The following CEMIP2 variants were observed in gnomAD, a reference collection of about 807,000 sequenced individuals.
CEMIP2 encodes cell surface hyaluronidase CEMIP2.
In CEMIP2, 79 loss-of-function variants were observed where a neutral mutation model predicts 146.9. That is an observed-to-expected ratio of 0.54 (90% CI 0.45 to 0.65). CEMIP2 has a LOEUF of 0.65. Among genes scored for constraint, CEMIP2 ranks in the 30% least tolerant of loss-of-function variants. The pLI is 0.00. For missense variants in CEMIP2, 1,596 were observed against 1,696.2 expected (o/e 0.94, Z 1.04); for synonymous variants, 601 against 606.3 (o/e 0.99, Z 0.13).
At chr9:71,685,463 TAGG>T in intron 23 of CEMIP2, 70 bp from the exon 24 acceptor site, 2 of 1,391,344 alleles carry the variant, frequency 1.4e-6, no homozygotes, top group Non-Finnish European at 1.9e-6. Context: ...CAAGAGAATA[TAGG>T]AGGTGAGTCG....
In CEMIP2 at chr9:71,683,804, A is replaced by G. The variant is rs6560226; in HGVS notation, c.*1393T>C. The stretch of plus-strand genomic sequence containing the variant: ...GTAGAGGCCATCAGCCTTTGCCCCT[A>G]GAAGAGGAAAGTGAAATTATCTGTA... On this transcript the variant is annotated 3_prime_UTR_variant, in exon 24 of 24. Coordinates refer to ENST00000377044, the MANE Select transcript of CEMIP2 (RefSeq NM_013390.3). 0.85 allele frequency: 128,941 copies of G among 152,590 alleles called. 54,872 individuals carry two copies. The highest frequency in any genetic ancestry group is 0.99 in the East Asian group (5,159 of 5,188). The allele number at this position is 152,590 out of a possible 1,614,324, so 9.5% of individuals were successfully genotyped here.
intron 14 of CEMIP2, among the ~76,000 whole-genome samples, chr9:71,715,980 G>A (rs958915955): frequency 1.3e-5 from 2 of 151,910 alleles, no homozygotes; most frequent in African/African-American, 4.8e-5. Flanking sequence ...CTTTAATTTA[G>A]CAGCAATAAT....
In CEMIP2 at chr9:71,766,261, T is replaced by G. The variant is rs767256683; in HGVS notation, c.-13+2096A>C. 2.0e-5 allele frequency among the ~76,000 whole-genome samples: 3 copies of G among 151,796 alleles called. No homozygotes were observed. The South Asian group carries it at 6.2e-4, about 32-fold the overall frequency. On this transcript the variant is annotated intron_variant, in intron 1 of 23. Transcript: ENST00000377044. ...TTTTTTTTTGTATTTTTAGTAGAGA[T>G]AGGGTTTTACCATGTTGGCCAGGCT...
intron 14 of CEMIP2, 109 bp from the exon 15 acceptor site, chr9:71,715,198 T>C (rs1247589880): frequency 4.5e-6 from 5 of 1,122,108 alleles, no homozygotes; most frequent in Non-Finnish European, 6.1e-6. Context: ...AAGAAGTCAA[T>C]AGCTTTTCTA....
At chr9:71,728,085 C>G in intron 10 of CEMIP2, among the ~76,000 whole-genome samples, 1 of 148,728 alleles carries the variant, frequency 6.7e-6, no homozygotes, top group East Asian at 2.0e-4. Context: ...ATTCATTTAG[C>G]CTGAGTATGG....
chr9:71,750,874 G>A (rs1245684110), intron 1 of CEMIP2, among the ~76,000 whole-genome samples: 2 of 152,040 alleles, frequency 1.3e-5, no homozygotes, highest in African/African-American at 4.8e-5. Flanking sequence ...AGCCTCCCGG[G>A]TAGCCAGGAC....
At chr9:71,753,011 A>G (rs1824308360) in intron 1 of CEMIP2, among the ~76,000 whole-genome samples, 1 of 141,588 alleles carries the variant, frequency 7.1e-6, no homozygotes, top group Non-Finnish European at 1.5e-5. Context: ...GTGCTATTGA[A>G]GAACTGCTGC....
At chr9:71,766,171 C>T (rs1056214072) in intron 1 of CEMIP2, among the ~76,000 whole-genome samples, 8 of 151,348 alleles carry the variant, frequency 5.3e-5, no homozygotes, top group East Asian at 1.9e-4. Context: ...CAGGTGCAAG[C>T]GATTCTCCTT....
At chr9:71,722,541 A>C (rs566491873) in intron 11 of CEMIP2, 26 bp from the exon 12 acceptor site, 12 of 1,515,030 alleles carry the variant, frequency 7.9e-6, no homozygotes, top group Non-Finnish European at 1.1e-5. Flanking sequence ...AATGGACTGG[A>C]ATGAATATGA....
rs764831667 is a variant in CEMIP2, at chr9:71,750,340, C to A, written c.34G>T (p.Ala12Ser). ...TTTCCATTCTGAGGTTGGAGGAAAGCAGGGGAGTGTCCCCTGGAATCAGTG... is the reference window on the plus strand; with the variant it reads ...TTTCCATTCTGAGGTTGGAGGAAAGAAGGGGAGTGTCCCCTGGAATCAGTG... ...YATDSRGHSPAFLQPQNGNSR... is the reference protein window; with the variant it reads ...YATDSRGHSPSFLQPQNGNSR... Residue 12 changes from alanine (A) to serine (S), a missense_variant, in exon 2 of 24, where the codon GCT becomes TCT. Coordinates refer to ENST00000377044, the MANE Select transcript of CEMIP2 (RefSeq NM_013390.3). 1 of 1,613,602 alleles carries A rather than the reference C, an allele frequency of 6.2e-7. No homozygotes were observed. Among genetic ancestry groups the A allele is most frequent in the Admixed American group, 1.7e-5 (1 of 60,006 alleles).
At chr9:71,711,988 C>T in intron 16 of CEMIP2, 95 bp downstream of exon 16, 3 of 1,361,262 alleles carry the variant, frequency 2.2e-6, no homozygotes, top group Non-Finnish European at 3.0e-6. Context: ...CTCGTACAGA[C>T]TCGGTGCAAA....
chr9:71,745,494 C>CTT lies in CEMIP2; in HGVS notation c.557_558insAA (p.Leu187SerfsTer62). ...GGCATTTTTCTGCTCCAATATGAAG[C>CTT]GCCCCACCATCCTGGATCAGGATGT... On this transcript the variant is annotated frameshift_variant, in exon 4 of 24. Transcript: ENST00000377044. LOFTEE classifies it high-confidence loss of function. 3 of 1,613,402 alleles carry CTT rather than the reference C, an allele frequency of 1.9e-6. No homozygotes were observed. Among genetic ancestry groups the CTT allele is most frequent in the Non-Finnish European group, 2.5e-6 (3 of 1,179,718 alleles).
intron 1 of CEMIP2, among the ~76,000 whole-genome samples, chr9:71,767,617 C>T (rs1002785329): frequency 2.0e-5 from 3 of 152,184 alleles, no homozygotes; most frequent in Admixed American, 6.5e-5. Context: ...TTGGTTTTAT[C>T]GCTAAGGGTG....
chr9:71,688,013 T>C (rs1294103942), intron 22 of CEMIP2, among the ~76,000 whole-genome samples: 1 of 152,198 alleles, frequency 6.6e-6, no homozygotes, highest in East Asian at 1.9e-4. Flanking sequence ...TGTGCCCACA[T>C]ACCCAGATAA....
intron 12 of CEMIP2, among the ~76,000 whole-genome samples, chr9:71,719,024 C>T (rs746264300): frequency 1.3e-5 from 2 of 152,222 alleles, no homozygotes; most frequent in South Asian, 2.1e-4. Flanking sequence ...AATAGTCAAA[C>T]GGCCCCATGA....
intron 1 of CEMIP2, 71 bp downstream of exon 1, chr9:71,768,286 C>T (rs2132058400): frequency 7.5e-6 from 1 of 132,658 alleles, no homozygotes; most frequent in African/African-American, 2.8e-5. Flanking sequence ...TCTGCGTCCC[C>T]GCAGTGGCCC....
At chr9:71,697,192 G>C (rs77317058) in intron 20 of CEMIP2, among the ~76,000 whole-genome samples, 10,593 of 152,248 alleles carry the variant, frequency 0.07, 900 homozygotes, top group African/African-American at 0.19. Flanking sequence ...AGGGGATCCT[G>C]ATGCTGCTGG....
At chr9:71,754,997 A>C (rs527270300) in intron 1 of CEMIP2, among the ~76,000 whole-genome samples, 1 of 152,286 alleles carries the variant, frequency 6.6e-6, no homozygotes, top group South Asian at 2.1e-4. Flanking sequence ...ATACCTTAAA[A>C]ACTCACTGTT....
intron 11 of CEMIP2, among the ~76,000 whole-genome samples, chr9:71,723,040 G>C (rs982514864): frequency 2.0e-5 from 3 of 150,926 alleles, no homozygotes; most frequent in Non-Finnish European, 4.4e-5. Flanking sequence ...TGCAGGGGAG[G>C]AGGTGGGAGG....
Sources: gnomAD v4.1 joint callset for allele counts (sites outside exome capture counted in the v4.1 genomes callset) on GRCh38, gnomAD v4.1.1 for gene constraint, MANE v1.5 for transcripts, NCBI Gene and HGNC (gene_info 2026-07-23, HGNC 2026-07-21) for gene names.